The following CCDC171 variants were observed in gnomAD, a reference collection of about 807,000 sequenced individuals.
CCDC171 encodes the protein coiled-coil domain-containing protein 171.
A neutral mutation model predicts 168.2 loss-of-function variants in CCDC171; 177 were observed. The ratio of observed to expected loss-of-function variants is 1.05; its 90% CI spans 0.93 to 1.19. The LOEUF (loss-of-function observed/expected upper bound fraction) is 1.19. Among genes scored for constraint, CCDC171 ranks in the 50% most tolerant of loss-of-function variants. The pLI, the probability that CCDC171 is intolerant of heterozygous loss-of-function variation, is 0.00. For synonymous variants in CCDC171, 687 were observed against 540.8 expected (o/e 1.27, Z -3.75); for missense variants, 1,991 against 1,539.0 (o/e 1.29, Z -4.91).
At chr9:16,089,376 G>A in the CCDC171 span, among the ~76,000 whole-genome samples, 10 of 152,050 alleles carry the variant, frequency 6.6e-5, no homozygotes, top group South Asian at 2.1e-4. Context: ...AAGCTCTTAA[G>A]TTTAATTAGA....
chr9:15,840,732 T>C (rs1487951011), intron 21 of CCDC171, among the ~76,000 whole-genome samples: 1 of 152,270 alleles, frequency 6.6e-6, no homozygotes, highest in East Asian at 1.9e-4. Context: ...TTTCTGAGTA[T>C]ATTTTCCAGT....
At chr9:15,764,346 T>C (rs914734653) in intron 18 of CCDC171, among the ~76,000 whole-genome samples, 2 of 152,326 alleles carry the variant, frequency 1.3e-5, no homozygotes, top group African/African-American at 4.8e-5. Flanking sequence ...GTTAAAGGTG[T>C]AGGTAGTAAG....
chr9:15,767,933 C>G lies in CCDC171; in HGVS notation c.2672-9667C>G, dbSNP rs564611972. Among the ~76,000 whole-genome samples the G allele has an allele frequency of 6.1e-5, 9 of 147,534 alleles. No individual in the cohort carries two copies. The East Asian group carries it at 1.6e-3, about 26-fold the overall frequency. ...AATTTTTAGTAGAGAAGGGGTTTCT[C>G]CATGTTGTCCAGGCTGGTCTTGAAC... On this transcript the variant is annotated intron_variant, in intron 18 of 25. Transcript: ENST00000380701.
At chr9:15,942,038 C>T (rs1827793241) in intron 25 of CCDC171, among the ~76,000 whole-genome samples, 2 of 151,960 alleles carry the variant, frequency 1.3e-5, no homozygotes, top group South Asian at 4.2e-4. Flanking sequence ...GTATTTTCAG[C>T]CTTTCACCTA....
rs536100973 is a variant in CCDC171, at chr9:15,611,318, T to C, written c.676-11949T>C. Among the ~76,000 whole-genome samples the C allele has an allele frequency of 5.9e-4, 90 of 152,330 alleles. No individual in the cohort carries two copies. In the South Asian group the frequency reaches 0.015, roughly 26 times the overall value. On this transcript the variant is annotated intron_variant, in intron 6 of 25. Transcript: ENST00000380701. ...ATTCTCACATATTTCTTTATAGCCA[T>C]GCAGGAACAGCCTAATACAAGAACC...
At chr9:15,665,072 A>T (rs186965445) in intron 8 of CCDC171, among the ~76,000 whole-genome samples, 6 of 152,132 alleles carry the variant, frequency 3.9e-5, no homozygotes, top group Admixed American at 6.5e-5. Flanking sequence ...ACTCACGTCA[A>T]TGGTGTTTTA....
At chr9:16,087,728 G>T in the CCDC171 span, among the ~76,000 whole-genome samples, 2 of 151,828 alleles carry the variant, frequency 1.3e-5, no homozygotes, top group African/African-American at 4.8e-5. Context: ...TCTAATTGGG[G>T]CATTTAGCCC....
chr9:15,594,503 T>A (rs941073446), intron 6 of CCDC171, among the ~76,000 whole-genome samples: 1 of 152,182 alleles, frequency 6.6e-6, no homozygotes, highest in Non-Finnish European at 1.5e-5. Context: ...GGATTCTGGA[T>A]GTTAAAGAAT....
chr9:15,588,481 C>G (rs889623235), intron 4 of CCDC171: 1 of 299,644 alleles, frequency 3.3e-6, no homozygotes, highest in African/African-American at 2.3e-5. Flanking sequence ...GCCTTCTTTG[C>G]CCCTGCAAAG....
At chr9:15,625,766 G>A (rs977829753) in intron 7 of CCDC171, among the ~76,000 whole-genome samples, 2 of 152,150 alleles carry the variant, frequency 1.3e-5, no homozygotes, top group African/African-American at 4.8e-5. Flanking sequence ...CTCCAGCTTT[G>A]TTCTTTTTGC....
chr9:16,063,236 C>T (rs555153763), downstream of CCDC171, among the ~76,000 whole-genome samples: 19 of 152,282 alleles, frequency 1.2e-4, no homozygotes, highest in African/African-American at 3.9e-4. Flanking sequence ...GAGCAGAAGA[C>T]ACCATGTACA....
chr9:15,603,939 G>A (rs2043044412), intron 6 of CCDC171, among the ~76,000 whole-genome samples: 1 of 152,042 alleles, frequency 6.6e-6, no homozygotes, highest in African/African-American at 2.4e-5. Flanking sequence ...TTTAATAATT[G>A]CCATTCTGAC....
At chr9:15,863,438 T>C (rs953019970) in intron 23 of CCDC171, among the ~76,000 whole-genome samples, 7 of 152,140 alleles carry the variant, frequency 4.6e-5, no homozygotes, top group African/African-American at 1.7e-4. Context: ...ACCATCTGGC[T>C]GCTATCATTC....
intron 18 of CCDC171, among the ~76,000 whole-genome samples, chr9:15,763,579 T>G (rs1355223828): frequency 6.6e-6 from 1 of 152,178 alleles, no homozygotes; most frequent in Non-Finnish European, 1.5e-5. Flanking sequence ...ACTCCAGAAA[T>G]GCCAAGGTTT....
At chr9:15,741,052 T>G (rs1196601207) in intron 16 of CCDC171, among the ~76,000 whole-genome samples, 2 of 152,182 alleles carry the variant, frequency 1.3e-5, no homozygotes, top group Non-Finnish European at 2.9e-5. Context: ...GAATTCTAAA[T>G]GGGGTTTTCT....
chr9:15,891,586 A>G (rs1429303774), intron 24 of CCDC171, among the ~76,000 whole-genome samples: 1 of 152,200 alleles, frequency 6.6e-6, no homozygotes, highest in Non-Finnish European at 1.5e-5. Flanking sequence ...AAGTGCCTTT[A>G]TTAAGCCCCA....
intron 6 of CCDC171, among the ~76,000 whole-genome samples, chr9:15,612,935 A>G (rs574788138): frequency 2.6e-4 from 39 of 152,316 alleles, no homozygotes; most frequent in African/African-American, 9.1e-4. Context: ...AGGATGGTAG[A>G]TACTCAACTG....
intron 4 of CCDC171, among the ~76,000 whole-genome samples, chr9:15,586,708 A>G (rs1380769081): frequency 1.3e-5 from 2 of 152,156 alleles, no homozygotes; most frequent in African/African-American, 4.8e-5. Context: ...ATCCCTGGAG[A>G]TGGCGAAATA....
At chr9:15,857,203 T>G (rs538566335) in intron 23 of CCDC171, among the ~76,000 whole-genome samples, 1 of 151,870 alleles carries the variant, frequency 6.6e-6, no homozygotes, top group Middle Eastern at 3.2e-3. Flanking sequence ...TATTATTATT[T>G]TTTGCTAGGC....
Sources: gnomAD v4.1 joint callset for allele counts (sites outside exome capture counted in the v4.1 genomes callset) on GRCh38, gnomAD v4.1.1 for gene constraint, MANE v1.5 for transcripts, NCBI Gene and HGNC (gene_info 2026-07-23, HGNC 2026-07-21) for gene names.